ABR: variants seen among roughly 807,000 people sequenced by gnomAD.
ABR encodes the protein active breakpoint cluster region-related protein.
ABR carries 35 observed loss-of-function variants against 107.2 expected under a neutral mutation model. The observed-to-expected ratio is 0.33, with a 90% confidence interval of 0.25 to 0.43. The LOEUF (loss-of-function observed/expected upper bound fraction) is 0.43. Among genes scored for constraint, ABR ranks in the 20% least tolerant of loss-of-function variants. ABR has a pLI of 1.00. For missense variants in ABR, 815 were observed against 1,115.2 expected (o/e 0.73, Z 3.83); for synonymous variants, 498 against 462.0 (o/e 1.08, Z -1.00).
At chr17:1,079,112 C>A (rs1212222571) in intron 6 of ABR, 2 of 1,436,416 alleles carry the variant, frequency 1.4e-6, no homozygotes, top group Non-Finnish European at 1.8e-6. Flanking sequence ...AAGAGGAGCA[C>A]GTTTGTAGCT....
intron 1 of ABR, among the ~76,000 whole-genome samples, chr17:1,199,569 C>A (rs1275572101): frequency 1.3e-5 from 2 of 151,280 alleles, no homozygotes; most frequent in Non-Finnish European, 2.9e-5. Context: ...CTGCCTCAGC[C>A]TCCCAAGTAG....
intron 1 of ABR, among the ~76,000 whole-genome samples, chr17:1,173,877 C>T (rs540497396): frequency 3.3e-5 from 5 of 152,336 alleles, no homozygotes; most frequent in East Asian, 3.9e-4. Flanking sequence ...GAGGCTTTCC[C>T]GGATGAGGAG....
intron 2 of ABR, among the ~76,000 whole-genome samples, chr17:1,117,790 C>A (rs1355446693): frequency 5.0e-5 from 3 of 60,358 alleles, no homozygotes; most frequent in East Asian, 3.6e-4. Context: ...GAGTTCTCCC[C>A]AGCGTTATCC....
intron 9 of ABR, 77 bp from the exon 10 acceptor site, chr17:1,067,319 C>T: frequency 7.5e-7 from 1 of 1,334,568 alleles, no homozygotes; most frequent in Non-Finnish European, 9.7e-7. Flanking sequence ...TCCAGAACCA[C>T]AGAACCACTG....
intron 1 of ABR, among the ~76,000 whole-genome samples, chr17:1,170,353 C>T: frequency 6.6e-6 from 1 of 152,306 alleles, no homozygotes; most frequent in East Asian, 1.9e-4. Context: ...GGAGAAAGAA[C>T]ACAGTTTACA....
Position 1,194,448 on chromosome 17 carries a change from C to T in ABR, c.838+34345G>A, listed in dbSNP as rs149588241. Among the ~76,000 whole-genome samples, 263 of 149,162 alleles carry T rather than the reference C, an allele frequency of 1.8e-3. 22 individuals are homozygous for T. The East Asian group carries it at 0.034, about 19-fold the overall frequency. Reference sequence around the variant, plus strand: ...CTGACCTCAGGTGATCTGCCTGCCTCGTCTTCCCAAAGTGCTGGGATTACA... The same window carrying T: ...CTGACCTCAGGTGATCTGCCTGCCTTGTCTTCCCAAAGTGCTGGGATTACA... On this transcript the variant is annotated intron_variant, in intron 1 of 22. Transcript: ENST00000574139.
chr17:1,079,244 G>C (rs1186922581), intron 6 of ABR, 86 bp downstream of exon 6: 2 of 1,542,864 alleles, frequency 1.3e-6, no homozygotes, highest in Non-Finnish European at 1.8e-6. Flanking sequence ...CACACACAAG[G>C]GGAAGGGCGC....
intron 2 of ABR, among the ~76,000 whole-genome samples, chr17:1,104,219 A>G (rs1315946938): frequency 6.6e-6 from 1 of 152,130 alleles, no homozygotes; most frequent in Non-Finnish European, 1.5e-5. Context: ...TATCCTCAGC[A>G]TCCTGCACAA....
intron 5 of ABR, 77 bp downstream of exon 5, chr17:1,083,443 G>A: frequency 9.8e-7 from 1 of 1,024,178 alleles, no homozygotes. Flanking sequence ...TGGCAAGCGA[G>A]GGAGGGGAGA....
chr17:1,137,887 G>A (rs1342991958), intron 1 of ABR, among the ~76,000 whole-genome samples: 1 of 151,746 alleles, frequency 6.6e-6, no homozygotes, highest in Admixed American at 6.6e-5. Flanking sequence ...ATATATAATG[G>A]TAAAAACCAC....
chr17:1,102,856 G>A (rs919422582), intron 2 of ABR, among the ~76,000 whole-genome samples: 6 of 151,992 alleles, frequency 3.9e-5, no homozygotes, highest in African/African-American at 7.3e-5. Context: ...GATTACAGGC[G>A]TCCACCATCA....
chr17:1,006,751 C>G (rs1025603926), intron 22 of ABR, among the ~76,000 whole-genome samples: 7 of 152,014 alleles, frequency 4.6e-5, no homozygotes, highest in African/African-American at 1.4e-4. Context: ...CCGCCAGCCA[C>G]GGGCCCGGGC....
chr17:1,203,603 C>G (rs1439794993), intron 1 of ABR, among the ~76,000 whole-genome samples: 1 of 148,524 alleles, frequency 6.7e-6, no homozygotes, highest in Non-Finnish European at 1.5e-5. Context: ...GTCGGGAACC[C>G]CTGAGTCACC....
At chr17:1,067,403 A>G (rs943555044) in intron 9 of ABR, among the ~76,000 whole-genome samples, 161 bp from the exon 10 acceptor site, 2 of 152,222 alleles carry the variant, frequency 1.3e-5, no homozygotes, top group East Asian at 1.9e-4. Flanking sequence ...GGAAACACAC[A>G]CTGGAGTGAT....
Position 1,012,004 on chromosome 17 carries a change from A to G in ABR, c.1962-19T>C, listed in dbSNP as rs774146901. The G allele has an allele frequency of 4.3e-6, 7 of 1,611,050 alleles. No individual in the cohort carries two copies. The highest frequency in any genetic ancestry group is 5.9e-6 in the Non-Finnish European group (7 of 1,177,994). ...CTCCCGCCTGGGGTGGAGCGTGAGGATGGGTGGAGGGCAGCCCCCACGACA... is the reference window on the plus strand; with the variant it reads ...CTCCCGCCTGGGGTGGAGCGTGAGGGTGGGTGGAGGGCAGCCCCCACGACA... On this transcript the variant is annotated intron_variant, in intron 18 of 22. Transcript: ENST00000302538.
chr17:1,191,837 G>T (rs1263215923), upstream of ABR, among the ~76,000 whole-genome samples: 2 of 152,092 alleles, frequency 1.3e-5, no homozygotes, highest in Non-Finnish European at 2.9e-5. Flanking sequence ...CATTGTCACC[G>T]TGCCACACGA....
intron 13 of ABR, 79 bp downstream of exon 13, chr17:1,056,919 T>C (rs2033345703): frequency 1.1e-6 from 1 of 943,164 alleles, no homozygotes; most frequent in East Asian, 2.5e-5. Flanking sequence ...CACATGTCTG[T>C]CTGAGTCCTT....
chr17:1,071,620 C>T lies in ABR; in HGVS notation c.894+994G>A, dbSNP rs887816504. On this transcript the variant is annotated intron_variant, in intron 8 of 22. Coordinates refer to ENST00000302538, the MANE Select transcript of ABR (RefSeq NM_021962.5). This position sits in a 1 kb window ranked among gnomAD's most constrained non-coding sequence, Gnocchi z 5.1. ...CCTGGACGGCCTCCACCACCTCCAA[C>T]GCCAGCCTTTCCTGCTGTGGGCTCC... 7.2e-5 allele frequency among the ~76,000 whole-genome samples: 11 copies of T among 152,346 alleles called. No individual in the cohort carries two copies. The highest frequency in any genetic ancestry group is 3.9e-4 in the East Asian group (2 of 5,186).
intron 1 of ABR, among the ~76,000 whole-genome samples, chr17:1,168,700 A>T (rs540650846): frequency 2.6e-5 from 4 of 152,222 alleles, no homozygotes; most frequent in Non-Finnish European, 5.9e-5. Context: ...TTGAGGACAG[A>T]CACGGCAGGC....
Sources: allele counts gnomAD v4.1 joint callset (sites outside exome capture counted in the v4.1 genomes callset), GRCh38; gene constraint gnomAD v4.1.1; non-coding constraint Gnocchi (gnomAD v3.1); transcripts MANE v1.5; gene names NCBI Gene and HGNC (gene_info 2026-07-23, HGNC 2026-07-21).